PEAK1: variants seen among roughly 807,000 people sequenced by gnomAD.
PEAK1 encodes the protein pseudopodium enriched atypical kinase 1, also known as inactive tyrosine-protein kinase PEAK1.
A neutral mutation model predicts 124.7 loss-of-function variants in PEAK1; 54 were observed. The observed-to-expected ratio is 0.43, with a 90% CI of 0.35 to 0.54. The LOEUF is 0.54. Among genes scored for constraint, PEAK1 ranks in the 20% least tolerant of loss-of-function variants. PEAK1 has a pLI of 0.01. For synonymous variants in PEAK1, 719 were observed against 760.0 expected (o/e 0.95, Z 0.89); for missense variants, 2,046 against 2,134.5 (o/e 0.96, Z 0.82).
chr15:77,332,099 G>A (rs1235246664), intron 2 of PEAK1: 1 of 723,636 alleles, frequency 1.4e-6, no homozygotes, highest in East Asian at 1.3e-4. Flanking sequence ...ATTCCAGCCT[G>A]GGTGACACAG....
intron 6 of PEAK1, among the ~76,000 whole-genome samples, chr15:77,221,989 TG>T (rs2059411132): frequency 6.6e-6 from 1 of 152,070 alleles, no homozygotes; most frequent in Non-Finnish European, 1.5e-5. Context: ...ATGTCACTAC[TG>T]GGGCATATCT....
chr15:77,257,489 A>AT (rs1427058500), intron 5 of PEAK1, among the ~76,000 whole-genome samples: 1 of 150,462 alleles, frequency 6.6e-6, no homozygotes, highest in Non-Finnish European at 1.5e-5. Flanking sequence ...GATGATGAGC[A>AT]TTTTTTCATG....
chr15:77,120,463 G>A (rs1330631279), intron 9 of PEAK1, among the ~76,000 whole-genome samples: 1 of 152,140 alleles, frequency 6.6e-6, no homozygotes, highest in Non-Finnish European at 1.5e-5. Flanking sequence ...TTTGTTACCT[G>A]GATGAGAAAC....
chr15:77,415,826 C>T lies in PEAK1; in HGVS notation c.-666+4180G>A, dbSNP rs572138098. ...TCTCCATCCACCAGCCAGTCTCCCA[C>T]GCCCACCAAACACACACATATACAC... On this transcript the variant is annotated intron_variant, in intron 1 of 9. Coordinates refer to ENST00000682557, the MANE Select transcript of PEAK1 (RefSeq NM_001385026.1). 5.9e-5 allele frequency among the ~76,000 whole-genome samples: 9 copies of T among 152,282 alleles called. No individual in the cohort carries two copies. In the South Asian group the frequency reaches 8.3e-4, roughly 14 times the overall value.
Position 77,402,914 on chromosome 15 carries a change from T to C in PEAK1, c.-666+17092A>G, listed in dbSNP as rs535943774. 187 of 985,382 alleles carry C rather than the reference T, an allele frequency of 1.9e-4. No individual in the cohort carries two copies. The African/African-American group carries it at 2.7e-3, about 14-fold the overall frequency. The allele number at this position is 985,382 out of a possible 1,614,324, so 61.0% of individuals were successfully genotyped here. A position where few individuals can be genotyped will look rare whatever the true frequency, so the allele number is the denominator to read the frequency against. Reference sequence around the variant, plus strand: ...GTGAGTGGGCAGTTGCAGAAACTCATAGCTGAGGCCAGAAAAAGCTTATGT... The same window carrying C: ...GTGAGTGGGCAGTTGCAGAAACTCACAGCTGAGGCCAGAAAAAGCTTATGT... On this transcript the variant is annotated intron_variant, in intron 1 of 9. Transcript: ENST00000682557.
In PEAK1 at chr15:77,181,091, G is replaced by C. The variant is rs756453664; in HGVS notation, c.836C>G (p.Thr279Arg). 6.2e-7 allele frequency: 1 copy of C among 1,614,184 alleles called. No homozygotes were observed. The highest frequency in any genetic ancestry group is 1.7e-5 in the Admixed American group (1 of 60,020). The change falls in exon 7 of 10, where the codon ACA becomes AGA. Residue 279 changes from threonine to arginine, a missense_variant. Transcript: ENST00000682557. ...QPRFANFRAN[T>R]LSPVRFFVDK... is the part of the protein sequence containing the mutation. ...CACAAAGAATCGAACAGGAGACAAT[G>C]TGTTTGCTCTGAAGTTGGCAAAGCG...
chr15:77,299,055 C>A (rs184207067), intron 2 of PEAK1, among the ~76,000 whole-genome samples: 3 of 152,192 alleles, frequency 2.0e-5, no homozygotes, highest in Non-Finnish European at 4.4e-5. Context: ...AACAGGCCAA[C>A]AAAAAGCAAT....
At chr15:77,272,587 A>G (rs1191841579) in intron 5 of PEAK1, among the ~76,000 whole-genome samples, 2 of 152,192 alleles carry the variant, frequency 1.3e-5, no homozygotes, top group Non-Finnish European at 2.9e-5. Context: ...GAACAGACCA[A>G]TAACAAGCAA....
intron 2 of PEAK1, chr15:77,334,456 G>A (rs745845854): frequency 3.0e-5 from 30 of 985,012 alleles, no homozygotes; most frequent in Admixed American, 1.8e-4. Context: ...CCTTGTTTCC[G>A]AGAAGTAGAG....
chr15:77,231,540 T>C (rs1476495116), intron 6 of PEAK1, among the ~76,000 whole-genome samples: 1 of 152,178 alleles, frequency 6.6e-6, no homozygotes, highest in East Asian at 1.9e-4. Flanking sequence ...AAAGATAACA[T>C]CTTCCCTTTG....
intron 2 of PEAK1, among the ~76,000 whole-genome samples, chr15:77,300,183 G>C (rs2063714415): frequency 6.6e-6 from 1 of 152,194 alleles, no homozygotes; most frequent in African/African-American, 2.4e-5. Flanking sequence ...CAGGAAGGAA[G>C]GTCAGTAATA....
chr15:77,413,335 G>A lies in PEAK1; in HGVS notation c.-666+6671C>T, dbSNP rs544725961. On this transcript the variant is annotated intron_variant, in intron 1 of 9. Coordinates refer to ENST00000682557, the MANE Select transcript of PEAK1 (RefSeq NM_001385026.1). ...ACTTAGCAACCTGTTTCTAGTGCAC[G>A]GACTATGGGAAAGGAAAAATAGTAA... Among the ~76,000 whole-genome samples, 17 of 152,208 alleles carry A rather than the reference G, an allele frequency of 1.1e-4. No individual in the cohort carries two copies. In the East Asian group the frequency reaches 2.3e-3, roughly 21 times the overall value.
intron 2 of PEAK1, chr15:77,335,770 T>C (rs183179469): frequency 1.0e-6 from 1 of 984,530 alleles, no homozygotes; most frequent in Admixed American, 6.1e-5. Context: ...AGATTACAGG[T>C]GTGAGTCACT....
At chr15:77,308,398 G>A (rs746757141) in intron 2 of PEAK1, among the ~76,000 whole-genome samples, 6 of 151,920 alleles carry the variant, frequency 3.9e-5, no homozygotes, top group Middle Eastern at 6.3e-3. Context: ...TATTCCTCAG[G>A]GTAACTTCAG....
At chr15:77,212,048 T>C (rs375389711) in intron 6 of PEAK1, among the ~76,000 whole-genome samples, 1 of 152,122 alleles carries the variant, frequency 6.6e-6, no homozygotes, top group East Asian at 1.9e-4. Context: ...TGATCAAGTA[T>C]GGGAAAGAAC....
At chr15:77,368,358 T>TACAAAAAC (rs1432374866) in intron 1 of PEAK1, among the ~76,000 whole-genome samples, 1 of 151,768 alleles carries the variant, frequency 6.6e-6, no homozygotes, top group African/African-American at 2.4e-5. Context: ...TCTACAAAAA[T>TACAAAAAC]ACAAAAACAA....
At chr15:77,227,283 T>A (rs541237547) in intron 6 of PEAK1, among the ~76,000 whole-genome samples, 1 of 152,176 alleles carries the variant, frequency 6.6e-6, no homozygotes, top group African/African-American at 2.4e-5. Context: ...CATTAAATCA[T>A]CCCATTTTCT....
chr15:77,123,712 T>C (rs576731881), intron 9 of PEAK1, among the ~76,000 whole-genome samples: 2 of 152,296 alleles, frequency 1.3e-5, no homozygotes, highest in African/African-American at 4.8e-5. Context: ...CCCAGATTCT[T>C]TGAAAGGGAA....
chr15:77,349,493 A>G (rs1169267419), intron 2 of PEAK1: 19 of 985,084 alleles, frequency 1.9e-5, no homozygotes, highest in South Asian at 4.7e-5. Flanking sequence ...CCAAAGCTCA[A>G]TTGATATTGG....
Sources: gnomAD v4.1 joint callset for allele counts (sites outside exome capture counted in the v4.1 genomes callset) on GRCh38, gnomAD v4.1.1 for gene constraint, MANE v1.5 for transcripts, NCBI Gene and HGNC (gene_info 2026-07-23, HGNC 2026-07-21) for gene names.